The following TRIM34 variants were observed in gnomAD, a reference collection of about 807,000 sequenced individuals.
TRIM34 encodes the protein E3 ubiquitin-protein ligase TRIM34.
In TRIM34, 41 loss-of-function variants were observed where a neutral mutation model predicts 38.1. The ratio of observed to expected loss-of-function variants is 1.08; its 90% CI spans 0.84 to 1.40. The LOEUF is 1.40. Among genes scored for constraint, TRIM34 ranks in the 40% most tolerant of loss-of-function variants. TRIM34 has a pLI of 0.00. For missense variants in TRIM34, 556 were observed against 571.4 expected, an observed-to-expected ratio of 0.97 and a Z score of 0.27; for synonymous variants, 200 against 202.5, an observed-to-expected ratio of 0.99 and a Z score of 0.10.
rs1324861841 is a variant in TRIM34, at chr11:5,642,446, A to G, written c.814A>G (p.Lys272Glu). 6.2e-7 allele frequency: 1 copy of G among 1,613,870 alleles called. No individual in the cohort carries two copies. Residue 272 changes from lysine to glutamate, a missense_variant, in exon 6 of 8, where the codon AAG becomes GAG. Transcript: ENST00000429814. ...WRLKKPKMVS[K>E]KLKTVFHAPD... ...GCTGAAAAAGCCAAAAATGGTTTCC[A>G]AGAAACTGAAGACTGTATTCCATGC... is the stretch of plus-strand genomic sequence containing the variant.
chr11:5,625,629 A>C (rs1336415110), intron 1 of TRIM34, among the ~76,000 whole-genome samples: 1 of 152,112 alleles, frequency 6.6e-6, no homozygotes, highest in Admixed American at 6.6e-5. Context: ...ACGTATTCTT[A>C]GTCCTTGGCC....
intron 4 of TRIM34, among the ~76,000 whole-genome samples, chr11:5,635,573 A>G (rs982596165): frequency 6.6e-6 from 1 of 152,088 alleles, no homozygotes; most frequent in African/African-American, 2.4e-5. Flanking sequence ...ACTTTTTTTT[A>G]AACATAAAGT....
chr11:5,643,997 G>C lies in TRIM34; in HGVS notation c.*288G>C. The C allele has an allele frequency of 2.1e-6, 1 of 480,852 alleles. No homozygotes were observed. The highest frequency in any genetic ancestry group is 3.6e-6 in the Non-Finnish European group (1 of 281,072). 29.8% of individuals were successfully genotyped at this position (480,852 alleles called of 1,614,324 possible). A position where few individuals can be genotyped will look rare whatever the true frequency, so the allele number is the denominator to read the frequency against. ...CCATGTTTCACTTTATCACTGATAT[G>C]AAGAGGCCCAAAGCCTGTTAGCCAC... is the stretch of plus-strand genomic sequence containing the variant. On this transcript the variant is annotated 3_prime_UTR_variant, in exon 8 of 8. Transcript: ENST00000429814.
chr11:5,632,232 C>G, intron 1 of TRIM34, 23 bp from the exon 2 acceptor site: 1 of 1,574,170 alleles, frequency 6.4e-7, no homozygotes, highest in Non-Finnish European at 8.6e-7. Flanking sequence ...CATTCTTATA[C>G]CATCCCCTTT....
At chr11:5,634,968 C>A in intron 4 of TRIM34, 107 bp downstream of exon 4, 3 of 1,229,390 alleles carry the variant, frequency 2.4e-6, no homozygotes, top group South Asian at 1.5e-5. Context: ...CCTTGCAGTG[C>A]CGCCTTGTCG....
intron 1 of TRIM34, among the ~76,000 whole-genome samples, chr11:5,629,042 C>T (rs188171147): frequency 2.0e-4 from 31 of 152,124 alleles, no homozygotes; most frequent in Non-Finnish European, 3.4e-4. Flanking sequence ...TTTGGGAGGC[C>T]GAGACAGGTG....
At chr11:5,627,169 A>G (rs1849282538) in intron 1 of TRIM34, among the ~76,000 whole-genome samples, 1 of 151,966 alleles carries the variant, frequency 6.6e-6, no homozygotes, top group African/African-American at 2.4e-5. Flanking sequence ...CCTGAGGTGG[A>G]TCATGAGTTT....
At chr11:5,639,679 CAAAAAAAAA>C (rs58134807) in intron 4 of TRIM34, among the ~76,000 whole-genome samples, 12 of 51,130 alleles carry the variant, frequency 2.3e-4, no homozygotes, top group African/African-American at 3.5e-4. Flanking sequence ...GACTCTATTT[CAAAAAAAAA>C]AAAAAAAAAA....
chr11:5,627,580 A>C (rs1849300940), intron 1 of TRIM34, among the ~76,000 whole-genome samples: 1 of 152,328 alleles, frequency 6.6e-6, no homozygotes, highest in Non-Finnish European at 1.5e-5. Context: ...TTCTATGTTA[A>C]AAAATAGCTT....
chr11:5,632,513 TCA>T lies in TRIM34; in HGVS notation c.183_184del (p.Ile61MetfsTer5). The T allele has an allele frequency of 6.2e-7, 1 of 1,613,986 alleles. No individual in the cohort carries two copies. Among genetic ancestry groups the T allele is most frequent in the Non-Finnish European group, 8.5e-7 (1 of 1,179,998 alleles). The stretch of plus-strand genomic sequence containing the variant: ...AAAAGCAGCTGTCCTGTGTGTGGTA[TCA>T]GTTACTCATTTGAACATCTACAGGC... On this transcript the variant is annotated frameshift_variant, in exon 2 of 8. Coordinates refer to ENST00000429814, the MANE Select transcript of TRIM34 (RefSeq NM_021616.6).
chr11:5,643,432 A>G lies in TRIM34; in HGVS notation c.1190A>G (p.Tyr397Cys). The change falls in exon 8 of 8, where the codon TAC (tyrosine) becomes TGC (cysteine). Residue 397 changes from tyrosine (Y) to cysteine (C), a missense_variant. By Grantham distance (194) the Tyr-to-Cys change is radical (BLOSUM62 -2). Transcript: ENST00000429814. ...ACCAAATACAGACCTCTATTTGGCT[A>G]CTGGGTTATAGGGTTACAGAATAAA... Reference protein sequence around the residue: ...LYTKYRPLFGYWVIGLQNKCK... With the variant: ...LYTKYRPLFGCWVIGLQNKCK... 6.2e-7 allele frequency: 1 copy of G among 1,614,212 alleles called. No homozygotes were observed. The highest frequency in any genetic ancestry group is 1.1e-5 in the South Asian group (1 of 91,088).
upstream of TRIM34, among the ~76,000 whole-genome samples, chr11:5,622,537 G>A (rs553184329): frequency 1.3e-5 from 2 of 152,066 alleles, no homozygotes; most frequent in South Asian, 2.1e-4. Flanking sequence ...TAGGAGAATC[G>A]AACCTGGGAG....
chr11:5,632,279 G>A lies in TRIM34; in HGVS notation c.-53G>A, dbSNP rs1166930784. 1.9e-6 allele frequency: 3 copies of A among 1,611,980 alleles called. No homozygotes were observed. Among genetic ancestry groups the A allele is most frequent in the East Asian group, 2.2e-5 (1 of 44,872 alleles). On this transcript the variant is annotated 5_prime_UTR_variant, in exon 2 of 8. Transcript: ENST00000429814. ...GCCATCCAGGGGTCTTTAACCAGAA[G>A]AGAGAGGAGAGCCTCAGGAGTTAGG...
At position 5,643,577 on chromosome 11, in the gene TRIM34, AT is replaced by A. The variant is rs763046902; in HGVS notation, c.1340del (p.Phe447SerfsTer35). 23 of 1,613,810 alleles carry A rather than the reference AT, an allele frequency of 1.4e-5. No individual in the cohort carries two copies. Among genetic ancestry groups the A allele is most frequent in the Admixed American group, 1.7e-5 (1 of 59,992 alleles). On this transcript the variant is annotated frameshift_variant, in exon 8 of 8. Coordinates refer to ENST00000429814, the MANE Select transcript of TRIM34 (RefSeq NM_021616.6). LOFTEE classifies it low-confidence loss of function (END_TRUNC). ...TCGACTATGAAGCAGGCATTGTCTC[AT>A]TTTTCAATGTCACAAGCCATGGCTC... Reference protein sequence around the residue: ...FLDYEAGIVSFFNVTSHGSLI... With the variant: ...FLDYEAGIVSXFNVTSHGSLI...
rs150627571 is a variant in TRIM34, at chr11:5,625,555, G to C, written c.-78+495G>C. Among the ~76,000 whole-genome samples the C allele has an allele frequency of 2.2e-3, 332 of 152,238 alleles. 4 individuals are homozygous for C. The highest frequency in any genetic ancestry group is 7.6e-3 in the African/African-American group (316 of 41,548). On this transcript the variant is annotated intron_variant, in intron 1 of 7. Coordinates refer to ENST00000429814, the MANE Select transcript of TRIM34 (RefSeq NM_021616.6). ...ATGGAGCCATGGGAGCACGGCCAGG[G>C]GTTGAAGTGGGTTCTTTTGCTGCCC... is the stretch of plus-strand genomic sequence containing the variant.
At chr11:5,640,214 A>G (rs1191927940) in intron 4 of TRIM34, among the ~76,000 whole-genome samples, 2 of 152,210 alleles carry the variant, frequency 1.3e-5, no homozygotes, top group Non-Finnish European at 2.9e-5. Flanking sequence ...GGGAAAAAGC[A>G]TTCAGTTTTT....
upstream of TRIM34, among the ~76,000 whole-genome samples, chr11:5,620,398 C>T (rs1289393843): frequency 1.3e-5 from 2 of 151,218 alleles, no homozygotes; most frequent in African/African-American, 4.9e-5. Flanking sequence ...AGATTGGTCT[C>T]GAATTCCTTG....
At chr11:5,635,349 A>G (rs969306173) in intron 4 of TRIM34, among the ~76,000 whole-genome samples, 2 of 146,506 alleles carry the variant, frequency 1.4e-5, no homozygotes, top group Non-Finnish European at 3.0e-5. Context: ...TCCGCCTCCC[A>G]GGTTCACGCC....
At chr11:5,623,536 T>A (rs1278414647), upstream of TRIM34, among the ~76,000 whole-genome samples, 1 of 126,058 alleles carries the variant, frequency 7.9e-6, no homozygotes, top group Non-Finnish European at 1.7e-5. Flanking sequence ...CCCGGCTAAT[T>A]TTTTTTTTTT....
Sources: gnomAD v4.1 joint callset for allele counts (sites outside exome capture counted in the v4.1 genomes callset) on GRCh38, gnomAD v4.1.1 for gene constraint, MANE v1.5 for transcripts, NCBI Gene and HGNC (gene_info 2026-07-23, HGNC 2026-07-21) for gene names.